The following CCDC39 variants were observed in gnomAD, a reference collection of about 807,000 sequenced individuals.
The protein encoded by CCDC39 is coiled-coil domain 39 molecular ruler complex subunit.
Under a neutral mutation model 121.0 loss-of-function variants are expected in CCDC39, and 113 were observed. That is an observed-to-expected ratio of 0.93 (90% confidence interval 0.80 to 1.09). CCDC39 has a LOEUF of 1.09. CCDC39 is among the 50% of genes least tolerant of loss of function. The probability of loss-of-function intolerance (pLI) is 0.00; values close to 1 mark genes in which losing one functional copy is unlikely to be tolerated. For missense variants in CCDC39, 1,063 were observed against 1,074.7 expected (o/e 0.99, Z 0.15); for synonymous variants, 349 against 352.2 (o/e 0.99, Z 0.10).
At chr3:180,656,405 A>C (rs1711581820) in intron 6 of CCDC39, among the ~76,000 whole-genome samples, 1 of 152,248 alleles carries the variant, frequency 6.6e-6, no homozygotes, top group East Asian at 1.9e-4. Context: ...TTAAGAATAC[A>C]ATTTCAGGAT....
chr3:180,663,678 A>AT (rs920671578), intron 2 of CCDC39, among the ~76,000 whole-genome samples, 189 bp downstream of exon 2: 40 of 152,080 alleles, frequency 2.6e-4, no homozygotes, highest in South Asian at 4.2e-4. Flanking sequence ...TCAAAAAAAA[A>AT]AAAAAAATTG....
At chr3:180,639,455 A>T (rs1717904772) in intron 13 of CCDC39, among the ~76,000 whole-genome samples, 1 of 152,156 alleles carries the variant, frequency 6.6e-6, no homozygotes, top group Non-Finnish European at 1.5e-5. Flanking sequence ...CACAAAAAGG[A>T]ACAAAATCAT....
chr3:180,671,408 C>T (rs181886639), intron 1 of CCDC39, among the ~76,000 whole-genome samples: 16 of 152,192 alleles, frequency 1.1e-4, no homozygotes, highest in South Asian at 8.3e-4. Flanking sequence ...TATCCCTGCT[C>T]CACAAGGAGC....
intron 7 of CCDC39, among the ~76,000 whole-genome samples, chr3:180,653,953 G>A (rs74525979): frequency 0.041 from 6,212 of 150,530 alleles, 449 homozygotes; most frequent in African/African-American, 0.14. Flanking sequence ...TTTTATTGTT[G>A]TATTATTTTT....
intron 1 of CCDC39, among the ~76,000 whole-genome samples, chr3:180,669,042 T>A (rs558598514): frequency 6.6e-6 from 1 of 152,356 alleles, no homozygotes; most frequent in South Asian, 2.1e-4. Flanking sequence ...AAATGCATGT[T>A]CGTATGTGAG....
rs186674269 is a variant in CCDC39 at position 180,651,566 on chromosome 3, C to T, written c.1035-33G>A. 5.4e-6 allele frequency: 8 copies of T among 1,488,800 alleles called. No homozygotes were observed. In the Admixed American group the frequency reaches 8.4e-5, roughly 16 times the overall value. The allele number at this position is 1,488,800 out of a possible 1,614,324, so 92.2% of individuals were successfully genotyped here. ...GGGTTTATCACAAAAAGATAGAAAACGTGCCTAAAAAGCATTTCATACAAA... is the reference window on the plus strand; with the variant it reads ...GGGTTTATCACAAAAAGATAGAAAATGTGCCTAAAAAGCATTTCATACAAA... On this transcript the variant is annotated intron_variant, in intron 8 of 19. Coordinates refer to ENST00000476379, the MANE Select transcript of CCDC39 (RefSeq NM_181426.2).
At position 180,614,498 on chromosome 3, in the gene CCDC39, A is replaced by C. The variant is rs1398365193; in HGVS notation, c.*423T>G. ...AGAAATAGTTACTTTGAATAAAGAA[A>C]ACCTAATTTTGGTGTCTTGTAGGGT... On this transcript the variant is annotated 3_prime_UTR_variant, in exon 20 of 20. Coordinates refer to ENST00000476379, the MANE Select transcript of CCDC39 (RefSeq NM_181426.2). The C allele has an allele frequency of 6.5e-6, 1 of 153,224 alleles. No homozygotes were observed. The highest frequency in any genetic ancestry group is 1.5e-5 in the Non-Finnish European group (1 of 68,808). The allele number at this position is 153,224 out of a possible 1,614,324, so 9.5% of individuals were successfully genotyped here.
At chr3:180,624,086 T>C (rs1717496308) in intron 14 of CCDC39, among the ~76,000 whole-genome samples, 1 of 152,184 alleles carries the variant, frequency 6.6e-6, no homozygotes, top group African/African-American at 2.4e-5. Context: ...ATGCTTGTTT[T>C]ATGAATCTAG....
intron 14 of CCDC39, among the ~76,000 whole-genome samples, chr3:180,626,333 CA>C (rs925402480): frequency 6.6e-6 from 1 of 152,098 alleles, no homozygotes; most frequent in Non-Finnish European, 1.5e-5. Context: ...AGACTAGTCC[CA>C]GGCCCCTTGG....
At chr3:180,640,701 A>G (rs1416408597) in intron 13 of CCDC39, among the ~76,000 whole-genome samples, 3 of 152,078 alleles carry the variant, frequency 2.0e-5, no homozygotes, top group Non-Finnish European at 2.9e-5. Context: ...TTTCCTAGAG[A>G]AAAATAGAAT....
intron 13 of CCDC39, among the ~76,000 whole-genome samples, chr3:180,638,072 C>T (rs551615984): frequency 6.6e-6 from 1 of 152,044 alleles, no homozygotes; most frequent in African/African-American, 2.4e-5. Context: ...ACCCCTGAAC[C>T]AAAGATAAAA....
intron 13 of CCDC39, among the ~76,000 whole-genome samples, chr3:180,640,072 G>A (rs1310889289): frequency 6.6e-6 from 1 of 152,062 alleles, no homozygotes; most frequent in African/African-American, 2.4e-5. Flanking sequence ...ATGGGGGAAG[G>A]ACCGAAGGGA....
At chr3:180,641,772 A>G (rs1232275014) in intron 13 of CCDC39, among the ~76,000 whole-genome samples, 1 of 152,156 alleles carries the variant, frequency 6.6e-6, no homozygotes, top group Non-Finnish European at 1.5e-5. Context: ...TTCCAAGTAG[A>G]TTAGTGATCT....
intron 13 of CCDC39, among the ~76,000 whole-genome samples, chr3:180,640,809 G>T (rs1344209906): frequency 6.6e-6 from 1 of 151,872 alleles, no homozygotes; most frequent in East Asian, 1.9e-4. Context: ...GAAAACTTCA[G>T]GCTCCCAATG....
intron 19 of CCDC39, 72 bp downstream of exon 19, chr3:180,616,209 G>A (rs1435622493): frequency 3.8e-6 from 5 of 1,303,300 alleles, no homozygotes; most frequent in Non-Finnish European, 5.5e-6. Flanking sequence ...CTGCGGTGAT[G>A]TAGAAGTGGC....
chr3:180,672,242 G>T (rs939337051), intron 1 of CCDC39, among the ~76,000 whole-genome samples: 5 of 152,140 alleles, frequency 3.3e-5, no homozygotes, highest in Non-Finnish European at 7.4e-5. Context: ...TTACAACATG[G>T]TTTACTGAAA....
At chr3:180,630,549 T>C (rs1360267693) in intron 14 of CCDC39, among the ~76,000 whole-genome samples, 2 of 152,190 alleles carry the variant, frequency 1.3e-5, no homozygotes, top group African/African-American at 4.8e-5. Flanking sequence ...CTCACCCCTA[T>C]TCATGTATGG....
intron 2 of CCDC39, among the ~76,000 whole-genome samples, chr3:180,662,544 G>C (rs1023006805): frequency 6.6e-6 from 1 of 152,040 alleles, no homozygotes; most frequent in Non-Finnish European, 1.5e-5. Flanking sequence ...TTATCACTTA[G>C]TATTAATTTT....
chr3:180,650,699 A>G (rs903993523), intron 9 of CCDC39, among the ~76,000 whole-genome samples: 4 of 151,688 alleles, frequency 2.6e-5, no homozygotes, highest in African/African-American at 9.7e-5. Context: ...TCTACTAAAA[A>G]TACAAAAATT....
Sources: gnomAD v4.1 joint callset for allele counts (sites outside exome capture counted in the v4.1 genomes callset) on GRCh38, gnomAD v4.1.1 for gene constraint, MANE v1.5 for transcripts, NCBI Gene and HGNC (gene_info 2026-07-23, HGNC 2026-07-21) for gene names.